The following SIPA1L3 variants were observed in gnomAD, a reference collection of about 807,000 sequenced individuals.
SIPA1L3 encodes the protein signal induced proliferation associated 1 like 3.
In SIPA1L3, 59 loss-of-function variants were observed where a neutral mutation model predicts 150.1. That is an observed-to-expected ratio of 0.39 (90% CI 0.32 to 0.49). SIPA1L3 has a LOEUF of 0.49. Among genes scored for constraint, SIPA1L3 ranks in the 20% least tolerant of loss-of-function variants. The probability of loss-of-function intolerance (pLI) is 0.86; values close to 1 mark genes in which losing one functional copy is unlikely to be tolerated. For missense variants in SIPA1L3, 2,211 were observed against 2,489.5 expected (o/e 0.89, Z 2.38); for synonymous variants, 1,070 against 1,077.6 (o/e 0.99, Z 0.14).
At chr19:37,928,572 C>G (rs2046526640) in intron 1 of SIPA1L3, among the ~76,000 whole-genome samples, 1 of 152,090 alleles carries the variant, frequency 6.6e-6, no homozygotes, top group Admixed American at 6.6e-5. Flanking sequence ...GAGTGAGACT[C>G]CGTCTCAAAA....
At chr19:37,965,555 C>T (rs1037837017) in intron 1 of SIPA1L3, among the ~76,000 whole-genome samples, 5 of 152,094 alleles carry the variant, frequency 3.3e-5, no homozygotes, top group Non-Finnish European at 5.9e-5. Flanking sequence ...ACCTCATGAT[C>T]TGCCTGCGTC....
At chr19:38,184,093 C>G (rs1972624079) in intron 16 of SIPA1L3, among the ~76,000 whole-genome samples, 1 of 152,120 alleles carries the variant, frequency 6.6e-6, no homozygotes, top group Non-Finnish European at 1.5e-5. Context: ...CTCACCACAT[C>G]GAGGTTCAGT....
chr19:38,073,723 G>C (rs1969773123), intron 2 of SIPA1L3, among the ~76,000 whole-genome samples: 1 of 152,154 alleles, frequency 6.6e-6, no homozygotes, highest in African/African-American at 2.4e-5. Flanking sequence ...AAGAAACCAG[G>C]GGTCCCCAGC....
chr19:38,051,052 C>G (rs902622113), intron 2 of SIPA1L3, among the ~76,000 whole-genome samples: 1 of 152,174 alleles, frequency 6.6e-6, no homozygotes. Context: ...GAGCTAGATT[C>G]TGTCTTAAAA....
intron 1 of SIPA1L3, among the ~76,000 whole-genome samples, chr19:37,954,397 A>G (rs1205266564): frequency 6.6e-6 from 1 of 152,138 alleles, no homozygotes; most frequent in Non-Finnish European, 1.5e-5. Context: ...CCCCGAAACC[A>G]ATATTGATGT....
At chr19:38,204,793 C>G (rs1973172190) in intron 21 of SIPA1L3, among the ~76,000 whole-genome samples, 1 of 152,082 alleles carries the variant, frequency 6.6e-6, no homozygotes, top group Non-Finnish European at 1.5e-5. Flanking sequence ...AATGTTGATC[C>G]AGTAATTCCA....
At chr19:38,117,128 T>A (rs1970905570) in intron 8 of SIPA1L3, among the ~76,000 whole-genome samples, 1 of 152,168 alleles carries the variant, frequency 6.6e-6, no homozygotes, top group Admixed American at 6.5e-5. Flanking sequence ...CTCTCCTGCT[T>A]CTGCACCTTG....
At chr19:38,134,707 G>GAAA (rs3083628) in intron 10 of SIPA1L3, among the ~76,000 whole-genome samples, 13 of 91,044 alleles carry the variant, frequency 1.4e-4, no homozygotes, top group South Asian at 4.3e-4. Flanking sequence ...TCTGTTTCAG[G>GAAA]AAAAAAAAAA....
chr19:38,196,466 GGTCAAGGGCAGAGTGTGGAT>G (rs1972945870), intron 18 of SIPA1L3, among the ~76,000 whole-genome samples: 1 of 150,662 alleles, frequency 6.6e-6, no homozygotes, highest in Non-Finnish European at 1.5e-5. Flanking sequence ...GGAGTGTGGA[GGTCAAGGGCAGAGTGTGGAT>G]GTCAAGGCGG....
rs537314383 is a variant in SIPA1L3 at position 37,997,843 on chromosome 19, C to T, written c.-378-31246C>T. Among the ~76,000 whole-genome samples the T allele has an allele frequency of 9.1e-5, 13 of 143,048 alleles. No homozygotes were observed. The East Asian group carries it at 1.2e-3, about 13-fold the overall frequency. The allele number at this position is 143,048 out of a possible 152,430, so 93.8% of individuals were successfully genotyped here. ...ATTGTGCCACTTCACTCCAGCCTGA[C>T]GACAGAGCGAGACTCCATCTCAAAA... On this transcript the variant is annotated intron_variant, in intron 1 of 21. Transcript: ENST00000222345.
At chr19:37,962,235 C>T (rs1325659419) in intron 1 of SIPA1L3, among the ~76,000 whole-genome samples, 2 of 151,540 alleles carry the variant, frequency 1.3e-5, no homozygotes, top group East Asian at 1.9e-4. Flanking sequence ...CCTCCGCCTC[C>T]GGAGTTCAAG....
intron 1 of SIPA1L3, chr19:37,932,573 G>A (rs1190419448): frequency 6.6e-6 from 1 of 152,240 alleles, no homozygotes; most frequent in African/African-American, 2.4e-5. Flanking sequence ...GGTCGGCCTG[G>A]AGAGCCAAGG....
intron 1 of SIPA1L3, among the ~76,000 whole-genome samples, chr19:38,022,981 T>C (rs889704195): frequency 6.6e-6 from 1 of 152,184 alleles, no homozygotes; most frequent in African/African-American, 2.4e-5. Context: ...CCGCAGTGAC[T>C]GAGTGTTCCC....
chr19:37,947,029 A>G (rs1823320226), intron 1 of SIPA1L3, among the ~76,000 whole-genome samples: 1 of 152,110 alleles, frequency 6.6e-6, no homozygotes, highest in Admixed American at 6.5e-5. Context: ...CCCCACCTCT[A>G]CAAAAAATAA....
intron 1 of SIPA1L3, among the ~76,000 whole-genome samples, chr19:37,957,078 A>T (rs1357302489): frequency 1.4e-4 from 22 of 152,252 alleles, no homozygotes. Flanking sequence ...ATTAGGTAGC[A>T]CTATGGTAAA....
At chr19:38,104,208 T>A (rs1970569965) in intron 6 of SIPA1L3, among the ~76,000 whole-genome samples, 1 of 152,158 alleles carries the variant, frequency 6.6e-6, no homozygotes, top group South Asian at 2.1e-4. Flanking sequence ...AAGTGAGGTG[T>A]TAGGCAGGTG....
chr19:38,101,766 G>A (rs1049503453), intron 6 of SIPA1L3, among the ~76,000 whole-genome samples: 1 of 152,096 alleles, frequency 6.6e-6, no homozygotes, highest in South Asian at 2.1e-4. Flanking sequence ...TTGAAGAGAC[G>A]CTGCTCTGTG....
intron 4 of SIPA1L3, among the ~76,000 whole-genome samples, chr19:38,097,182 C>G (rs2085409572): frequency 6.6e-6 from 1 of 151,990 alleles, no homozygotes; most frequent in African/African-American, 2.4e-5. Context: ...GACTCTGTCT[C>G]TACAAAAAAT....
At chr19:38,160,864 C>T (rs1196635319) in intron 13 of SIPA1L3, among the ~76,000 whole-genome samples, 3 of 152,194 alleles carry the variant, frequency 2.0e-5, no homozygotes, top group African/African-American at 4.8e-5. Flanking sequence ...CCTAAATATC[C>T]ATCAGTAGGA....
Sources: gnomAD v4.1 joint callset for allele counts (sites outside exome capture counted in the v4.1 genomes callset) on GRCh38, gnomAD v4.1.1 for gene constraint, MANE v1.5 for transcripts, NCBI Gene and HGNC (gene_info 2026-07-23, HGNC 2026-07-21) for gene names.